Variants in PIK3CB observed in about 807,000 individuals in gnomAD.
PIK3CB encodes phosphatidylinositol-4,5-bisphosphate 3-kinase catalytic subunit beta.
A neutral mutation model predicts 136.8 loss-of-function variants in PIK3CB; 39 were observed. The ratio of observed to expected loss-of-function variants is 0.29; its 90% CI spans 0.22 to 0.37. The LOEUF is 0.37. Among genes scored for constraint, PIK3CB ranks in the 10% least tolerant of loss-of-function variants. The pLI, the probability that PIK3CB is intolerant of heterozygous loss-of-function variation, is 1.00. For synonymous variants in PIK3CB, 428 were observed against 436.6 expected, an observed-to-expected ratio of 0.98 and a Z score of 0.25; for missense variants, 868 against 1,275.4, an observed-to-expected ratio of 0.68 and a Z score of 4.87.
intron 19 of PIK3CB, among the ~76,000 whole-genome samples, chr3:138,681,734 T>C (rs913987803): frequency 1.3e-5 from 2 of 152,220 alleles, no homozygotes; most frequent in African/African-American, 2.4e-5. Context: ...CCAAACCTTA[T>C]TAAAGTTCAA....
At chr3:138,715,540 G>C (rs2044589320) in intron 8 of PIK3CB, among the ~76,000 whole-genome samples, 1 of 152,122 alleles carries the variant, frequency 6.6e-6, no homozygotes, top group Non-Finnish European at 1.5e-5. Context: ...ATGTGGAATT[G>C]TTTAGGCTTA....
intron 2 of PIK3CB, among the ~76,000 whole-genome samples, chr3:138,769,432 T>C (rs1446926438): frequency 1.3e-5 from 2 of 152,190 alleles, no homozygotes; most frequent in Non-Finnish European, 2.9e-5. Context: ...CCTTAACTAA[T>C]CAGAGGAATG....
chr3:138,801,508 A>C (rs1315384299), intron 1 of PIK3CB, among the ~76,000 whole-genome samples: 2 of 152,112 alleles, frequency 1.3e-5, no homozygotes, highest in Admixed American at 6.6e-5. Context: ...AGGAAGGAGG[A>C]CTGCTTGAGC....
chr3:138,709,920 T>C (rs1307843323), intron 10 of PIK3CB, among the ~76,000 whole-genome samples: 1 of 150,208 alleles, frequency 6.7e-6, no homozygotes. Flanking sequence ...CTCATGCCTA[T>C]AATCCTAGCA....
At chr3:138,682,536 A>T (rs975249492) in intron 18 of PIK3CB, among the ~76,000 whole-genome samples, 9 of 152,128 alleles carry the variant, frequency 5.9e-5, no homozygotes, top group Admixed American at 4.6e-4. Flanking sequence ...TACATGGTTA[A>T]TTTTTTCCTT....
At chr3:138,793,135 T>C (rs527433909) in intron 2 of PIK3CB, among the ~76,000 whole-genome samples, 34 of 152,294 alleles carry the variant, frequency 2.2e-4, no homozygotes, top group African/African-American at 7.9e-4. Context: ...GTAGACAAGA[T>C]TAGTGTTCTC....
At chr3:138,731,237 T>C (rs1016590769) in intron 8 of PIK3CB, among the ~76,000 whole-genome samples, 1 of 152,106 alleles carries the variant, frequency 6.6e-6, no homozygotes. Flanking sequence ...TTAATCATGT[T>C]TGCACTTTTT....
At chr3:138,772,521 G>A (rs145558930) in intron 2 of PIK3CB, among the ~76,000 whole-genome samples, 112 of 151,720 alleles carry the variant, frequency 7.4e-4, no homozygotes, top group African/African-American at 2.6e-3. Flanking sequence ...GCAGTGGCAC[G>A]ATCATGGTTC....
At chr3:138,779,388 C>CTTTTTTTTTTT (rs753018315) in intron 2 of PIK3CB, among the ~76,000 whole-genome samples, 1 of 112,058 alleles carries the variant, frequency 8.9e-6, no homozygotes, top group African/African-American at 3.4e-5. Context: ...GCCCGGCCTT[C>CTTTTTTTTTTT]TTTTTTTTTT....
intron 1 of PIK3CB, among the ~76,000 whole-genome samples, chr3:138,832,769 C>T (rs1934091539): frequency 7.4e-6 from 1 of 134,896 alleles, no homozygotes; most frequent in Non-Finnish European, 1.5e-5. Context: ...GCGGAGGTTG[C>T]GGTGAGCTGG....
intron 1 of PIK3CB, among the ~76,000 whole-genome samples, chr3:138,808,388 T>C (rs544625694): frequency 5.0e-4 from 76 of 152,210 alleles, no homozygotes; most frequent in South Asian, 2.7e-3. Context: ...CTCAGCACTT[T>C]GGGAGGCCAA....
At chr3:138,813,729 A>C (rs1158953536) in intron 1 of PIK3CB, among the ~76,000 whole-genome samples, 4 of 152,060 alleles carry the variant, frequency 2.6e-5, no homozygotes, top group Admixed American at 2.0e-4. Context: ...TTAAGGGCCT[A>C]CTCTATACCA....
intron 8 of PIK3CB, among the ~76,000 whole-genome samples, chr3:138,724,103 G>A (rs902399103): frequency 6.6e-6 from 1 of 152,044 alleles, no homozygotes; most frequent in Non-Finnish European, 1.5e-5. Context: ...CCAGGTTATG[G>A]CATTAGTTCC....
At chr3:138,774,927 G>T (rs182117717) in intron 2 of PIK3CB, among the ~76,000 whole-genome samples, 12 of 152,262 alleles carry the variant, frequency 7.9e-5, no homozygotes, top group Admixed American at 3.3e-4. Context: ...AGTAATTTCA[G>T]GATTACTCCT....
chr3:138,823,015 G>A (rs966081319), intron 1 of PIK3CB, among the ~76,000 whole-genome samples: 1 of 149,338 alleles, frequency 6.7e-6, no homozygotes, highest in East Asian at 2.0e-4. Flanking sequence ...CCGCCTCCTG[G>A]GTTCAAGCCG....
chr3:138,692,729 A>G (rs1049757630), intron 14 of PIK3CB, among the ~76,000 whole-genome samples: 7 of 152,212 alleles, frequency 4.6e-5, no homozygotes, highest in African/African-American at 1.7e-4. Flanking sequence ...AGAAAAAAGG[A>G]TCATAGTATC....
chr3:138,742,738 T>C lies in PIK3CB; in HGVS notation c.441A>G (p.Glu147=), dbSNP rs1342209357. Residue 147 remains glutamate, a synonymous_variant, in exon 5 of 24, where the codon GAA becomes GAG. Transcript: ENST00000674063. ...TGAATTTGCGCATTTTTCTTCGAAA[T>C]TCATTTACTTCAGGATCCTTCAAGG... ...FDSLKDPEVN[E]FRRKMRKFSE... 1.1e-5 allele frequency: 17 copies of C among 1,613,230 alleles called. No homozygotes were observed. The highest frequency in any genetic ancestry group is 8.3e-5 in the Admixed American group (5 of 59,910).
intron 8 of PIK3CB, among the ~76,000 whole-genome samples, chr3:138,722,872 T>C (rs2044756942): frequency 6.6e-6 from 1 of 152,094 alleles, no homozygotes; most frequent in Admixed American, 6.5e-5. Context: ...CTGAAAAAAT[T>C]TGTTGAAAAT....
At chr3:138,784,771 G>A (rs2045957202) in intron 2 of PIK3CB, among the ~76,000 whole-genome samples, 1 of 152,206 alleles carries the variant, frequency 6.6e-6, no homozygotes, top group African/African-American at 2.4e-5. Context: ...CGTGATCTCA[G>A]CTCGCTATAA....
Sources: gnomAD v4.1 joint callset for allele counts (sites outside exome capture counted in the v4.1 genomes callset) on GRCh38, gnomAD v4.1.1 for gene constraint, MANE v1.5 for transcripts, NCBI Gene and HGNC (gene_info 2026-07-23, HGNC 2026-07-21) for gene names.